Variants in GCSAML observed in about 807,000 individuals in gnomAD.
The protein encoded by GCSAML is germinal center-associated signaling and motility-like protein.
GCSAML carries 9 observed loss-of-function variants against 13.0 expected under a neutral mutation model. That is an observed-to-expected ratio of 0.69 (90% CI 0.42 to 1.21). The LOEUF (loss-of-function observed/expected upper bound fraction) is 1.21, where lower values mean the gene tolerates loss of function less well. Ranked by LOEUF, GCSAML falls within the 50% of genes most tolerant of loss-of-function variation. The pLI, the probability that GCSAML is intolerant of heterozygous loss-of-function variation, is 0.00. For synonymous variants in GCSAML, 37 were observed against 52.9 expected, an observed-to-expected ratio of 0.70 and a Z score of 1.31; for missense variants, 143 against 153.4, an observed-to-expected ratio of 0.93 and a Z score of 0.36.
intron 1 of GCSAML, among the ~76,000 whole-genome samples, chr1:247,518,055 C>T (rs1026675640): frequency 6.6e-6 from 1 of 152,214 alleles, no homozygotes; most frequent in Non-Finnish European, 1.5e-5. Context: ...CCTTCTCCAC[C>T]TCCTGCCACA....
intron 3 of GCSAML, 27 bp from the exon 4 acceptor site, chr1:247,565,904 C>A: frequency 2.2e-6 from 3 of 1,368,544 alleles, no homozygotes; most frequent in Non-Finnish European, 2.9e-6. Context: ...TCCTTTCTTT[C>A]TTTTTTTTTT....
intron 1 of GCSAML, among the ~76,000 whole-genome samples, chr1:247,520,620 A>T (rs1282825533): frequency 6.6e-6 from 1 of 152,142 alleles, no homozygotes; most frequent in Admixed American, 6.5e-5. Flanking sequence ...AGTTATATAA[A>T]ATAAAGCACA....
At chr1:247,565,888 G>A in intron 3 of GCSAML, 43 bp from the exon 4 acceptor site, 1 of 1,488,168 alleles carries the variant, frequency 6.7e-7, no homozygotes, top group East Asian at 2.4e-5. Context: ...AAGTCTCACA[G>A]TGCTTTCCTT....
intron 4 of GCSAML, among the ~76,000 whole-genome samples, chr1:247,569,534 T>G (rs1472720093): frequency 6.6e-6 from 1 of 152,194 alleles, no homozygotes; most frequent in Non-Finnish European, 1.5e-5. Context: ...GTTGAACCAG[T>G]CTTGCATCCC....
rs1490137834 is a variant in GCSAML at position 247,527,824 on chromosome 1, C to T, written c.-148+770C>T. 6.6e-6 allele frequency: 1 copy of T among 152,166 alleles called. No homozygotes were observed. Among genetic ancestry groups the T allele is most frequent in the Non-Finnish European group, 1.5e-5 (1 of 68,026 alleles). The allele number at this position is 152,166 out of a possible 1,614,324, so 9.4% of individuals were successfully genotyped here. ...ATGGTCATCCCGCAGTGGTATAGAA[C>T]ACTAGAACTTACTCCTCCAATGGAG... On this transcript the variant is annotated intron_variant, in intron 2 of 5. Coordinates refer to the GCSAML transcript ENST00000366489. The surrounding 1 kb of genome is among the most constrained non-coding windows in gnomAD (Gnocchi z 4.6).
At chr1:247,556,588 T>G in intron 2 of GCSAML, 122 bp downstream of exon 2, 1 of 633,554 alleles carries the variant, frequency 1.6e-6, no homozygotes, top group Non-Finnish European at 2.7e-6. Flanking sequence ...AATAGAGTTC[T>G]TTGGTGATTA....
chr1:247,530,804 C>CTCCGTGGCCTAAACGGGCAGCCGAGCCCG (rs60288064), intron 2 of GCSAML: 99,644 of 152,754 alleles, frequency 0.65, 33,187 homozygotes, highest in East Asian at 0.97. Flanking sequence ...GACCTGCCGG[C>CTCCGTGGCCTAAACGGGCAGCCGAGCCCG]CGCCTCTGGA....
upstream of GCSAML, among the ~76,000 whole-genome samples, chr1:247,544,776 G>A (rs941205974): frequency 6.6e-6 from 1 of 152,168 alleles, no homozygotes; most frequent in African/African-American, 2.4e-5. Flanking sequence ...AATCACTTGA[G>A]CCTGGGAGGT....
Position 247,574,263 on chromosome 1 carries a change from A to G in GCSAML, c.289A>G (p.Arg97Gly), listed in dbSNP as rs778964513. The G allele has an allele frequency of 7.2e-5, 116 of 1,613,994 alleles. No individual in the cohort carries two copies. The highest frequency in any genetic ancestry group is 9.5e-5 in the Non-Finnish European group (112 of 1,180,014). ...DGYENIDSLTRKVRQFRERSE... is the reference protein window; with the variant it reads ...DGYENIDSLTGKVRQFRERSE... ...CTATGAGAACATTGACTCCCTCACA[A>G]GGAAAGTGAGACAGTTTAGAGAAAG... The change falls in exon 5 of 5, where the codon AGG (arginine) becomes GGG (glycine). Residue 97 changes from arginine (R) to glycine (G), a missense_variant. By Grantham distance (125) the Arg-to-Gly change is moderately radical (BLOSUM62 -2). Transcript: ENST00000366488.
At chr1:247,512,700 G>A (rs2103298266) in intron 1 of GCSAML, among the ~76,000 whole-genome samples, 1 of 152,228 alleles carries the variant, frequency 6.6e-6, no homozygotes, top group Admixed American at 6.5e-5. Context: ...TTTCTGTGTG[G>A]CATCCTTCTT....
rs756844910 is a variant in GCSAML, at chr1:247,531,903, G to C, written c.-148+4849G>C. ...GAGGCAGGACAACAAAGACAAAGCT[G>C]GCCAGGTACATCTCCATCTCATTGA... is the stretch of plus-strand genomic sequence containing the variant. On this transcript the variant is annotated intron_variant, in intron 2 of 5. Transcript: ENST00000366489. 7 of 1,614,060 alleles carry C rather than the reference G, an allele frequency of 4.3e-6. No homozygotes were observed. In the South Asian group the frequency reaches 6.6e-5, roughly 15 times the overall value.
chr1:247,558,594 T>A (rs1668028675), intron 2 of GCSAML, among the ~76,000 whole-genome samples: 1 of 152,194 alleles, frequency 6.6e-6, no homozygotes, highest in Non-Finnish European at 1.5e-5. Flanking sequence ...GATGTCATAG[T>A]ATCATTGCTT....
At chr1:247,534,518 C>T (rs1479001254) in intron 2 of GCSAML, among the ~76,000 whole-genome samples, 2 of 152,146 alleles carry the variant, frequency 1.3e-5, no homozygotes, top group Admixed American at 6.6e-5. Context: ...AAAACGAGCA[C>T]GATTTAGCAG....
At chr1:247,563,070 G>A (rs573229486) in intron 2 of GCSAML, among the ~76,000 whole-genome samples, 7 of 148,864 alleles carry the variant, frequency 4.7e-5, no homozygotes, top group African/African-American at 7.4e-5. Context: ...GGAAGGTCTC[G>A]ATCTCCTAAC....
At chr1:247,528,117 C>A (rs1350452153) in intron 2 of GCSAML, 1 of 152,120 alleles carries the variant, frequency 6.6e-6, no homozygotes, top group Non-Finnish European at 1.5e-5. Flanking sequence ...TTCCTACCTT[C>A]CTGACTCATA....
At chr1:247,546,161 T>C (rs1367225815), upstream of GCSAML, among the ~76,000 whole-genome samples, 2 of 152,200 alleles carry the variant, frequency 1.3e-5, no homozygotes, top group African/African-American at 4.8e-5. Flanking sequence ...TTGTTCGTTT[T>C]GTTTTGTTTT....
intron 2 of GCSAML, among the ~76,000 whole-genome samples, chr1:247,561,968 T>G (rs754822492): frequency 2.0e-5 from 3 of 152,106 alleles, no homozygotes; most frequent in Non-Finnish European, 4.4e-5. Flanking sequence ...GCAAGGAGAA[T>G]GGATCCCTCA....
At chr1:247,571,838 A>G (rs952241263) in intron 4 of GCSAML, among the ~76,000 whole-genome samples, 3 of 152,176 alleles carry the variant, frequency 2.0e-5, no homozygotes, top group Admixed American at 6.5e-5. Context: ...AGGTACACCA[A>G]TCAAATGTAG....
intron 2 of GCSAML, chr1:247,536,120 A>AAAC (rs200920649): frequency 1.8e-4 from 28 of 152,286 alleles, no homozygotes; most frequent in African/African-American, 3.1e-4. Context: ...TAAATACCAT[A>AAAC]AACAACAACA....
Sources: gnomAD v4.1 joint callset for allele counts (sites outside exome capture counted in the v4.1 genomes callset) on GRCh38, gnomAD v4.1.1 for gene constraint, Gnocchi (gnomAD v3.1) non-coding constraint, MANE v1.5 for transcripts, NCBI Gene and HGNC (gene_info 2026-07-23, HGNC 2026-07-21) for gene names.